STXBP4: variants seen among roughly 807,000 people sequenced by gnomAD.
The protein encoded by STXBP4 is syntaxin binding protein 4.
In STXBP4, 55 loss-of-function variants were observed where a neutral mutation model predicts 76.1. The observed-to-expected ratio is 0.72, with a 90% CI of 0.58 to 0.91. The LOEUF (loss-of-function observed/expected upper bound fraction) is 0.91. Ranked by LOEUF, STXBP4 falls within the 40% of genes least tolerant of loss-of-function variation. STXBP4 has a pLI of 0.00. For missense variants in STXBP4, 618 were observed against 636.9 expected (o/e 0.97, Z 0.32); for synonymous variants, 201 against 220.2 (o/e 0.91, Z 0.77).
intron 16 of STXBP4, among the ~76,000 whole-genome samples, chr17:55,104,646 T>C (rs1335929086): frequency 2.6e-5 from 4 of 152,212 alleles, no homozygotes; most frequent in African/African-American, 9.6e-5. Flanking sequence ...CCTCATAAAA[T>C]GAGTTAGGGA....
At chr17:55,115,032 T>C (rs2079765319) in intron 16 of STXBP4, among the ~76,000 whole-genome samples, 2 of 151,982 alleles carry the variant, frequency 1.3e-5, no homozygotes, top group African/African-American at 4.8e-5. Flanking sequence ...AATATTGTAA[T>C]GTAAGTTGTT....
intron 17 of STXBP4, among the ~76,000 whole-genome samples, chr17:55,159,529 C>A (rs560919726): frequency 6.6e-6 from 1 of 152,306 alleles, no homozygotes; most frequent in East Asian, 1.9e-4. Context: ...GACTTGCTGA[C>A]TTACTGAATG....
In STXBP4 at chr17:55,013,631, A is replaced by G. The variant is rs1008586799; in HGVS notation, c.666+6034A>G. Among the ~76,000 whole-genome samples the G allele has an allele frequency of 6.6e-5, 10 of 152,356 alleles. No homozygotes were observed. The East Asian group carries it at 1.9e-3, about 29-fold the overall frequency. On this transcript the variant is annotated intron_variant, in intron 8 of 17. Transcript: ENST00000376352. ...CCTTCTCTTTGGAAACCTTGTAGCC[A>G]CAGGTGGCGAGGAAATTTAAGAGTG...
intron 12 of STXBP4, among the ~76,000 whole-genome samples, chr17:55,061,888 G>C (rs1027783721): frequency 1.3e-5 from 2 of 152,080 alleles, no homozygotes; most frequent in African/African-American, 2.4e-5. Context: ...ATCCATGTCA[G>C]TTTCCTAGTT....
intron 16 of STXBP4, among the ~76,000 whole-genome samples, chr17:55,125,953 C>G (rs2145105816): frequency 6.6e-6 from 1 of 152,240 alleles, no homozygotes; most frequent in African/African-American, 2.4e-5. Context: ...GTCCAAGCTT[C>G]TGGGTCTGAC....
intron 13 of STXBP4, among the ~76,000 whole-genome samples, chr17:55,076,327 C>T (rs1291619388): frequency 6.6e-6 from 1 of 152,142 alleles, no homozygotes; most frequent in African/African-American, 2.4e-5. Context: ...CAGACCTTCT[C>T]ACTTGGTTTC....
intron 16 of STXBP4, among the ~76,000 whole-genome samples, chr17:55,140,231 G>A (rs903743669): frequency 5.3e-5 from 8 of 152,020 alleles, no homozygotes; most frequent in Non-Finnish European, 7.4e-5. Flanking sequence ...TCACTTGAGC[G>A]CAGGAGTTCA....
chr17:55,106,706 T>C (rs1179808231), intron 16 of STXBP4, among the ~76,000 whole-genome samples: 8 of 152,214 alleles, frequency 5.3e-5, no homozygotes. Context: ...ATTTTATTTC[T>C]TCTTCACTTA....
downstream of STXBP4, among the ~76,000 whole-genome samples, chr17:55,174,042 C>G (rs1433188478): frequency 1.3e-5 from 2 of 152,128 alleles, no homozygotes; most frequent in South Asian, 4.1e-4. Flanking sequence ...TCTCTCTGAC[C>G]CAACCATGAA....
chr17:55,203,895 G>A, the STXBP4 span, among the ~76,000 whole-genome samples: 1 of 150,356 alleles, frequency 6.7e-6, no homozygotes, highest in African/African-American at 2.4e-5. Context: ...TTTATCTTTG[G>A]TAATTATTAG....
chr17:55,203,480 G>A, the STXBP4 span, among the ~76,000 whole-genome samples: 6 of 152,096 alleles, frequency 3.9e-5, no homozygotes, highest in Non-Finnish European at 5.9e-5. Context: ...GGGGATCTAA[G>A]GTGAGTTTGA....
chr17:54,992,813 C>T (rs926886660), intron 4 of STXBP4, among the ~76,000 whole-genome samples: 1 of 149,544 alleles, frequency 6.7e-6, no homozygotes, highest in South Asian at 2.1e-4. Flanking sequence ...CAGGTTCAAG[C>T]GATTCTCCCA....
intron 16 of STXBP4, among the ~76,000 whole-genome samples, chr17:55,103,031 C>T (rs1001492237): frequency 1.3e-5 from 2 of 151,974 alleles, no homozygotes. Context: ...GTATTAAATG[C>T]CCTTCATCAG....
At chr17:55,026,814 A>G (rs2078424325) in intron 8 of STXBP4, among the ~76,000 whole-genome samples, 1 of 152,154 alleles carries the variant, frequency 6.6e-6, no homozygotes, top group African/African-American at 2.4e-5. Context: ...ATAATCTCAA[A>G]TGCAGATGAA....
chr17:55,081,046 A>C lies in STXBP4; in HGVS notation c.1356-4A>C. Reference sequence around the variant, plus strand: ...AGTTCAACTTTATTTTATTGCCTTCATAGTGAAAGAAGAGCTGTGTTAGCT... The same window carrying C: ...AGTTCAACTTTATTTTATTGCCTTCCTAGTGAAAGAAGAGCTGTGTTAGCT... On this transcript the variant is annotated splice_polypyrimidine_tract_variant and splice_region_variant and intron_variant, in intron 15 of 17. Transcript: ENST00000376352. The C allele has an allele frequency of 1.3e-6, 2 of 1,481,658 alleles. No individual in the cohort carries two copies. The highest frequency in any genetic ancestry group is 8.9e-7 in the Non-Finnish European group (1 of 1,120,384). 91.8% of individuals were successfully genotyped at this position (1,481,658 alleles called of 1,614,324 possible).
intron 17 of STXBP4, among the ~76,000 whole-genome samples, chr17:55,147,541 T>C (rs1272019715): frequency 6.6e-6 from 1 of 152,212 alleles, no homozygotes; most frequent in Non-Finnish European, 1.5e-5. Flanking sequence ...TGCTTTTAAG[T>C]TACTTAAATT....
intron 1 of STXBP4, among the ~76,000 whole-genome samples, chr17:54,979,540 A>T (rs2144317198): frequency 6.6e-6 from 1 of 152,318 alleles, no homozygotes; most frequent in Middle Eastern, 3.4e-3. Flanking sequence ...CTAACAATAT[A>T]CGCATAAGCC....
At chr17:54,984,092 G>A (rs191603488) in intron 1 of STXBP4, among the ~76,000 whole-genome samples, 11 of 152,190 alleles carry the variant, frequency 7.2e-5, no homozygotes, top group Admixed American at 5.9e-4. Context: ...CGTGAAAGTC[G>A]AAATGTGTTT....
At chr17:55,016,548 G>T (rs555960889) in intron 8 of STXBP4, among the ~76,000 whole-genome samples, 1 of 152,176 alleles carries the variant, frequency 6.6e-6, no homozygotes, top group East Asian at 1.9e-4. Flanking sequence ...CAGCTCTCAC[G>T]TTTGAGGAGA....
Sources: allele counts gnomAD v4.1 joint callset (sites outside exome capture counted in the v4.1 genomes callset), GRCh38; gene constraint gnomAD v4.1.1; transcripts MANE v1.5; gene names NCBI Gene and HGNC (gene_info 2026-07-23, HGNC 2026-07-21).